Variants in LCORL observed in about 807,000 individuals in gnomAD.
LCORL encodes the protein ligand-dependent nuclear receptor corepressor-like protein.
Under a neutral mutation model 141.8 loss-of-function variants are expected in LCORL, and 41 were observed. That is an observed-to-expected ratio of 0.29 (90% confidence interval 0.23 to 0.38). The LOEUF (loss-of-function observed/expected upper bound fraction) is 0.38, where lower values mean the gene tolerates loss of function less well. Among genes scored for constraint, LCORL ranks in the 10% least tolerant of loss-of-function variants. The pLI is 1.00. For missense variants in LCORL, 1,759 were observed against 2,035.0 expected (o/e 0.86, Z 2.61); for synonymous variants, 618 against 694.1 (o/e 0.89, Z 1.72).
chr4:17,947,287 GA>G (rs1370469392), intron 4 of LCORL, among the ~76,000 whole-genome samples: 3 of 152,070 alleles, frequency 2.0e-5, no homozygotes, highest in Admixed American at 2.0e-4. Context: ...GCCAGGCACA[GA>G]AAGATAAATA....
chr4:17,908,323 C>T (rs772359936), intron 5 of LCORL, among the ~76,000 whole-genome samples: 10 of 152,286 alleles, frequency 6.6e-5, no homozygotes, highest in Non-Finnish European at 1.0e-4. Flanking sequence ...TGAGCCAGCG[C>T]GCCTGGCCTA....
chr4:18,016,576 T>C (rs757625074), intron 1 of LCORL, among the ~76,000 whole-genome samples: 1 of 152,270 alleles, frequency 6.6e-6, no homozygotes, highest in Non-Finnish European at 1.5e-5. Context: ...ACCTAAAATG[T>C]GTCTAGTCCA....
At chr4:17,863,205 A>C (rs1158873395) in intron 7 of LCORL, among the ~76,000 whole-genome samples, 1 of 152,142 alleles carries the variant, frequency 6.6e-6, no homozygotes, top group Non-Finnish European at 1.5e-5. Context: ...AATCCCAGCT[A>C]CTTGGGAGAC....
chr4:17,899,646 C>A (rs1730571115), intron 5 of LCORL, among the ~76,000 whole-genome samples: 1 of 152,032 alleles, frequency 6.6e-6, no homozygotes, highest in Non-Finnish European at 1.5e-5. Context: ...GGCATAAGAA[C>A]CCAATTTTGG....
intron 7 of LCORL, among the ~76,000 whole-genome samples, chr4:17,850,404 G>C (rs1723502651): frequency 6.7e-6 from 1 of 150,274 alleles, no homozygotes; most frequent in South Asian, 2.1e-4. Flanking sequence ...CTAATATCCA[G>C]AATCTACAAT....
chr4:17,917,564 T>C (rs1237894677), intron 4 of LCORL, among the ~76,000 whole-genome samples: 1 of 152,240 alleles, frequency 6.6e-6, no homozygotes. Flanking sequence ...AGGTTTTGAT[T>C]GTTTTGAAAA....
At chr4:17,994,007 T>C (rs911183866) in intron 1 of LCORL, among the ~76,000 whole-genome samples, 10 of 152,304 alleles carry the variant, frequency 6.6e-5, no homozygotes, top group African/African-American at 2.2e-4. Flanking sequence ...AAGAAATTCA[T>C]GAGGTTTGTT....
intron 4 of LCORL, chr4:17,912,022 G>C: frequency 1.5e-6 from 1 of 655,088 alleles, no homozygotes; most frequent in African/African-American, 1.8e-5. Context: ...CTAGAAGTTA[G>C]AGACCAAAAT....
chr4:17,874,647 TTTG>T (rs1261060258), exon 7 of LCORL: 2 of 1,233,644 alleles, frequency 1.6e-6, no homozygotes, highest in Non-Finnish European at 2.0e-6. Flanking sequence ...CACCCAAGCA[TTTG>T]TTATTTGCTC....
intron 5 of LCORL, among the ~76,000 whole-genome samples, chr4:17,894,586 T>G (rs1729604190): frequency 6.6e-6 from 1 of 152,196 alleles, no homozygotes; most frequent in Non-Finnish European, 1.5e-5. Flanking sequence ...AAAACAGTTT[T>G]GTAGATCTCT....
At chr4:17,945,942 T>G (rs1163688283) in intron 4 of LCORL, among the ~76,000 whole-genome samples, 1 of 151,864 alleles carries the variant, frequency 6.6e-6, no homozygotes, top group African/African-American at 2.4e-5. Flanking sequence ...CTTAGAAACT[T>G]AATGAGACAA....
intron 1 of LCORL, among the ~76,000 whole-genome samples, chr4:18,016,114 A>G (rs1349699558): frequency 6.6e-6 from 1 of 152,106 alleles, no homozygotes; most frequent in Non-Finnish European, 1.5e-5. Context: ...GATTCCTACC[A>G]GAAAGAATCT....
chr4:17,874,196 C>T, exon 7 of LCORL: 2 of 1,233,980 alleles, frequency 1.6e-6, no homozygotes, highest in Non-Finnish European at 2.0e-6. Context: ...ACCTCTTAAA[C>T]TCAGTCCTTT....
chr4:17,879,985 CTTGA>C (rs1383598637), intron 6 of LCORL, among the ~76,000 whole-genome samples: 2 of 151,060 alleles, frequency 1.3e-5, no homozygotes, highest in African/African-American at 4.8e-5. Context: ...ATAATACCAA[CTTGA>C]TTAAGCTCAC....
chr4:17,878,737 T>C (rs959009385), intron 6 of LCORL, among the ~76,000 whole-genome samples: 1 of 151,306 alleles, frequency 6.6e-6, no homozygotes, highest in African/African-American at 2.4e-5. Context: ...TAAGAGAATG[T>C]CTTTCCTAAG....
intron 4 of LCORL, among the ~76,000 whole-genome samples, chr4:17,925,878 C>CAAAA (rs71167343): frequency 1.0e-5 from 1 of 96,608 alleles, no homozygotes; most frequent in African/African-American, 5.4e-5. Context: ...GATTCCATCT[C>CAAAA]AAAAAAAAAA....
intron 5 of LCORL, among the ~76,000 whole-genome samples, chr4:17,899,267 G>C (rs763183406): frequency 6.6e-6 from 1 of 151,948 alleles, no homozygotes; most frequent in Non-Finnish European, 1.5e-5. Context: ...TCATGAAGAA[G>C]TTTCTTTTGT....
chr4:18,017,662 T>C (rs976234957), intron 1 of LCORL, among the ~76,000 whole-genome samples: 2 of 152,142 alleles, frequency 1.3e-5, no homozygotes, highest in South Asian at 2.1e-4. Context: ...AATAGTAAGG[T>C]TGACGAAGTG....
chr4:17,890,891 A>G (rs1284029357), intron 5 of LCORL, among the ~76,000 whole-genome samples: 1 of 152,060 alleles, frequency 6.6e-6, no homozygotes, highest in Non-Finnish European at 1.5e-5. Context: ...CTGTATTGTC[A>G]TGCAAATTTC....
Sources: gnomAD v4.1 joint callset for allele counts (sites outside exome capture counted in the v4.1 genomes callset) on GRCh38, gnomAD v4.1.1 for gene constraint, MANE v1.5 for transcripts, NCBI Gene and HGNC (gene_info 2026-07-23, HGNC 2026-07-21) for gene names.